Variants in PLXDC2 observed in about 807,000 individuals in gnomAD.
The protein encoded by PLXDC2 is plexin domain-containing protein 2.
A neutral mutation model predicts 68.9 loss-of-function variants in PLXDC2; 40 were observed. The observed-to-expected ratio is 0.58, with a 90% CI of 0.45 to 0.76. The LOEUF is 0.76. Ranked by LOEUF, PLXDC2 falls within the 30% of genes least tolerant of loss-of-function variation. The probability of loss-of-function intolerance (pLI) is 0.00; values close to 1 mark genes in which losing one functional copy is unlikely to be tolerated. For missense variants in PLXDC2, 644 were observed against 661.9 expected, an observed-to-expected ratio of 0.97 and a Z score of 0.30; for synonymous variants, 243 against 234.2, an observed-to-expected ratio of 1.04 and a Z score of -0.34.
Position 20,122,147 on chromosome 10 carries a change from C to G in PLXDC2, c.542-21148C>G, listed in dbSNP as rs188835386. Among the ~76,000 whole-genome samples the G allele has an allele frequency of 2.6e-5, 4 of 152,104 alleles. No homozygotes were observed. The East Asian group carries it at 7.7e-4, about 29-fold the overall frequency. ...AAAGTGTCTCAGCCTAATAAGGGAA[C>G]TGGGCAGGTGGGGATAACTAAAAGG... On this transcript the variant is annotated intron_variant, in intron 4 of 13. Transcript: ENST00000377252.
At chr10:20,125,393 T>C (rs1387507508) in intron 4 of PLXDC2, among the ~76,000 whole-genome samples, 1 of 152,178 alleles carries the variant, frequency 6.6e-6, no homozygotes, top group East Asian at 1.9e-4. Flanking sequence ...GGTGTAGAAC[T>C]GATTGAAAGC....
chr10:19,846,219 G>T (rs924941831), intron 1 of PLXDC2, among the ~76,000 whole-genome samples: 1 of 152,130 alleles, frequency 6.6e-6, no homozygotes, highest in African/African-American at 2.4e-5. Context: ...TGAGTAATTT[G>T]GATCTGTTAG....
chr10:19,893,217 A>C (rs2131361537), intron 1 of PLXDC2, among the ~76,000 whole-genome samples: 1 of 152,292 alleles, frequency 6.6e-6, no homozygotes, highest in Admixed American at 6.5e-5. Context: ...TAGTGTGAAT[A>C]AAAACATAAT....
intron 6 of PLXDC2, among the ~76,000 whole-genome samples, chr10:20,152,192 A>C (rs966902913): frequency 3.3e-5 from 5 of 152,160 alleles, no homozygotes; most frequent in African/African-American, 1.2e-4. Context: ...ATGATCAATA[A>C]ATAAGAAAAT....
At chr10:20,191,010 G>A (rs1451975911) in intron 9 of PLXDC2, among the ~76,000 whole-genome samples, 3 of 151,854 alleles carry the variant, frequency 2.0e-5, no homozygotes, top group South Asian at 2.1e-4. Context: ...AATCTTACCC[G>A]TTAAGAAGAC....
At chr10:19,920,129 C>A (rs896447897) in intron 1 of PLXDC2, among the ~76,000 whole-genome samples, 6 of 152,176 alleles carry the variant, frequency 3.9e-5, no homozygotes, top group African/African-American at 1.4e-4. Flanking sequence ...AATTCCCAAC[C>A]GTGAGGCCAA....
intron 4 of PLXDC2, among the ~76,000 whole-genome samples, chr10:20,084,511 G>A (rs1392175497): frequency 6.6e-6 from 1 of 152,108 alleles, no homozygotes; most frequent in Non-Finnish European, 1.5e-5. Context: ...GGGATGAGAA[G>A]ACTCAGTAAT....
chr10:20,219,026 T>C (rs1835176411), intron 11 of PLXDC2, 38 bp from the exon 12 acceptor site: 1 of 1,601,870 alleles, frequency 6.2e-7, no homozygotes. Context: ...TTGAAATCAA[T>C]CCTTTTCTGT....
chr10:20,128,525 T>G (rs937912238), intron 4 of PLXDC2, among the ~76,000 whole-genome samples: 9 of 152,190 alleles, frequency 5.9e-5, no homozygotes, highest in African/African-American at 2.2e-4. Flanking sequence ...ACGTAAGATC[T>G]ATTCTTTTAG....
At chr10:19,975,041 C>T (rs1834425493) in intron 1 of PLXDC2, among the ~76,000 whole-genome samples, 1 of 152,148 alleles carries the variant, frequency 6.6e-6, no homozygotes, top group Non-Finnish European at 1.5e-5. Context: ...GTCCCACTTC[C>T]CAGAGGCAAC....
rs534427529 is a variant in PLXDC2 at position 19,898,514 on chromosome 10, A to T, written c.112+81323A>T. On this transcript the variant is annotated intron_variant, in intron 1 of 13. Transcript: ENST00000377252. Reference sequence around the variant, plus strand: ...AACAAAAATTAACTTTACAACAACGAAAACTAATTTTCATCTAGTCTGGTG... The same window carrying T: ...AACAAAAATTAACTTTACAACAACGTAAACTAATTTTCATCTAGTCTGGTG... Among the ~76,000 whole-genome samples the T allele has an allele frequency of 2.0e-5, 3 of 152,380 alleles. No individual in the cohort carries two copies. The East Asian group carries it at 5.8e-4, about 29-fold the overall frequency.
intron 1 of PLXDC2, among the ~76,000 whole-genome samples, chr10:19,973,316 A>ATATATGTATACATATATATGTGTT (rs1191987094): frequency 1.4e-5 from 2 of 142,758 alleles, no homozygotes; most frequent in Non-Finnish European, 3.1e-5. Flanking sequence ...ATACTCACAT[A>ATATATGTATACATATATATGTGTT]TATATGTATA....
chr10:20,212,603 A>G (rs2131858696), intron 10 of PLXDC2, among the ~76,000 whole-genome samples: 1 of 152,312 alleles, frequency 6.6e-6, no homozygotes, highest in South Asian at 2.1e-4. Context: ...AAAGCAAGCC[A>G]TGCCAAAATG....
At chr10:19,866,552 C>T (rs1837420382) in intron 1 of PLXDC2, among the ~76,000 whole-genome samples, 1 of 152,174 alleles carries the variant, frequency 6.6e-6, no homozygotes, top group Admixed American at 6.5e-5. Context: ...AACTTTAATT[C>T]CATCTGCAAT....
chr10:19,899,460 GA>G (rs971176405), intron 1 of PLXDC2, among the ~76,000 whole-genome samples: 1 of 152,080 alleles, frequency 6.6e-6, no homozygotes, highest in African/African-American at 2.4e-5. Context: ...GCCTAATTAA[GA>G]CATCATTTCT....
intron 2 of PLXDC2, among the ~76,000 whole-genome samples, chr10:20,014,210 T>TTCCTTCCTTCCC (rs1275157642): frequency 1.3e-4 from 18 of 142,700 alleles, no homozygotes; most frequent in Non-Finnish European, 1.8e-4. Context: ...CCTTCCTTCC[T>TTCCTTCCTTCCC]TCCTTCCTTC....
chr10:19,934,132 T>C (rs1023360685), intron 1 of PLXDC2, among the ~76,000 whole-genome samples: 2 of 152,226 alleles, frequency 1.3e-5, no homozygotes, highest in African/African-American at 4.8e-5. Flanking sequence ...CATTACCTTA[T>C]ACAATCACTG....
chr10:19,839,210 C>T (rs1836859372), intron 1 of PLXDC2, among the ~76,000 whole-genome samples: 1 of 150,570 alleles, frequency 6.6e-6, no homozygotes, highest in Non-Finnish European at 1.5e-5. Context: ...AAAAAAGTTA[C>T]TGCTCTGCTA....
chr10:20,155,764 G>T (rs1834208440), intron 6 of PLXDC2, among the ~76,000 whole-genome samples: 1 of 152,044 alleles, frequency 6.6e-6, no homozygotes, highest in Admixed American at 6.6e-5. Flanking sequence ...AAAATAAGTT[G>T]AATTATTCTC....
Sources: gnomAD v4.1 joint callset for allele counts (sites outside exome capture counted in the v4.1 genomes callset) on GRCh38, gnomAD v4.1.1 for gene constraint, MANE v1.5 for transcripts, NCBI Gene and HGNC (gene_info 2026-07-23, HGNC 2026-07-21) for gene names.